The following ANKRD30A variants were observed in gnomAD, a reference collection of about 807,000 sequenced individuals.
ANKRD30A encodes the protein ankyrin repeat domain-containing protein 30A.
ANKRD30A carries 170 observed loss-of-function variants against 166.3 expected under a neutral mutation model. That is an observed-to-expected ratio of 1.02 (90% CI 0.90 to 1.16). The LOEUF is 1.16. ANKRD30A is among the 50% of genes most tolerant of loss of function. The pLI is 0.00. For synonymous variants in ANKRD30A, 564 were observed against 508.9 expected (o/e 1.11, Z -1.46); for missense variants, 1,630 against 1,518.0 (o/e 1.07, Z -1.23).
chr10:37,205,898 G>T (rs567288256), intron 31 of ANKRD30A, among the ~76,000 whole-genome samples: 1 of 152,142 alleles, frequency 6.6e-6, no homozygotes, highest in Non-Finnish European at 1.5e-5. Flanking sequence ...AGTAGCGAAG[G>T]TATAGAGTTT....
Position 37,126,013 on chromosome 10 carries a change from C to A in ANKRD30A, c.221+5C>A. ...TATACAAGACGCCCAGAAGAGGTAC[C>A]AGGCCCTGCCTGAGCCGGGGCTGCA... On this transcript the variant is annotated splice_donor_5th_base_variant and intron_variant, in intron 1 of 35. Coordinates refer to ENST00000361713, the MANE Select transcript of ANKRD30A (RefSeq NM_052997.3). 2 of 1,611,942 alleles carry A rather than the reference C, an allele frequency of 1.2e-6. No individual in the cohort carries two copies. The highest frequency in any genetic ancestry group is 8.5e-7 in the Non-Finnish European group (1 of 1,179,886).
At chr10:37,236,487 T>G (rs544705067), downstream of ANKRD30A, among the ~76,000 whole-genome samples, 43 of 152,322 alleles carry the variant, frequency 2.8e-4, no homozygotes, top group African/African-American at 1.0e-3. Flanking sequence ...GACACATGTT[T>G]GCAAAGAGAC....
At chr10:37,240,635 TGATCTTCCTCAGCTCCAGCTCTTGGCA>T in the ANKRD30A span, among the ~76,000 whole-genome samples, 2 of 152,168 alleles carry the variant, frequency 1.3e-5, no homozygotes, top group African/African-American at 4.8e-5. Flanking sequence ...AATTTCACAG[TGATCTTCCTCAGCTCCAGCTCTTGGCA>T]TTTGCTCCTC....
chr10:37,257,137 C>A, the ANKRD30A span, among the ~76,000 whole-genome samples: 80 of 151,798 alleles, frequency 5.3e-4, 3 homozygotes, highest in South Asian at 0.017. Flanking sequence ...GTGTATGTGT[C>A]CAGGAATTTA....
chr10:37,223,887 G>A (rs974431943), intron 34 of ANKRD30A, among the ~76,000 whole-genome samples: 13 of 150,606 alleles, frequency 8.6e-5, no homozygotes, highest in African/African-American at 2.4e-4. Flanking sequence ...AGGATAATTT[G>A]GATCAAGAAA....
chr10:37,243,370 T>C, the ANKRD30A span, among the ~76,000 whole-genome samples: 7 of 151,432 alleles, frequency 4.6e-5, no homozygotes, highest in Non-Finnish European at 8.8e-5. Flanking sequence ...GGTCTGGATC[T>C]CCTGACCTCG....
chr10:37,191,457 A>G (rs1033380813), intron 25 of ANKRD30A, among the ~76,000 whole-genome samples: 4 of 151,942 alleles, frequency 2.6e-5, no homozygotes, highest in Non-Finnish European at 5.9e-5. Context: ...AATGATATAA[A>G]TTATTATAAT....
chr10:37,190,810 A>G (rs1226404057), intron 25 of ANKRD30A, among the ~76,000 whole-genome samples: 2 of 151,768 alleles, frequency 1.3e-5, no homozygotes, highest in African/African-American at 4.9e-5. Flanking sequence ...AATATGAAGC[A>G]TCAATATATA....
At chr10:37,240,372 C>A in the ANKRD30A span, among the ~76,000 whole-genome samples, 1 of 151,964 alleles carries the variant, frequency 6.6e-6, no homozygotes, top group Non-Finnish European at 1.5e-5. Flanking sequence ...GCCAACAGAC[C>A]CAAGACTCAT....
rs72787550 is a variant in ANKRD30A at position 37,209,246 on chromosome 10, A to G, written c.2870-6935A>G. On this transcript the variant is annotated intron_variant, in intron 31 of 35. Coordinates refer to ENST00000361713, the MANE Select transcript of ANKRD30A (RefSeq NM_052997.3). ...TGTATTAGGCTATTTGTGCATTGCT[A>G]TAGAGAAATACCTGAGATTGGGTAA... Among the ~76,000 whole-genome samples, 320 of 152,294 alleles carry G rather than the reference A, an allele frequency of 2.1e-3. 1 individual carries two copies. The highest frequency in any genetic ancestry group is 4.6e-3 in the South Asian group (22 of 4,828).
At chr10:37,227,579 T>G (rs1843218226) in intron 34 of ANKRD30A, among the ~76,000 whole-genome samples, 1 of 152,022 alleles carries the variant, frequency 6.6e-6, no homozygotes, top group Non-Finnish European at 1.5e-5. Flanking sequence ...TCATACATGA[T>G]AAAAGTTCAG....
At chr10:37,159,120 A>G (rs1480210653) in intron 15 of ANKRD30A, among the ~76,000 whole-genome samples, 1 of 152,172 alleles carries the variant, frequency 6.6e-6, no homozygotes, top group Non-Finnish European at 1.5e-5. Context: ...AGTGACTATA[A>G]AGCATTTGGC....
At chr10:37,212,439 A>G (rs1177629674) in intron 31 of ANKRD30A, among the ~76,000 whole-genome samples, 2 of 152,078 alleles carry the variant, frequency 1.3e-5, no homozygotes, top group East Asian at 3.9e-4. Context: ...AAATGGCCAT[A>G]CTGCCCAAGG....
At chr10:37,226,408 T>C (rs1843157187) in intron 34 of ANKRD30A, among the ~76,000 whole-genome samples, 1 of 151,492 alleles carries the variant, frequency 6.6e-6, no homozygotes, top group African/African-American at 2.4e-5. Context: ...GGTTTCCAGC[T>C]TCATCCATGG....
chr10:37,237,916 T>C, the ANKRD30A span, among the ~76,000 whole-genome samples: 3 of 152,124 alleles, frequency 2.0e-5, no homozygotes, highest in African/African-American at 7.2e-5. Context: ...TTAAAAGAAA[T>C]ATGAGAAAAT....
intron 29 of ANKRD30A, among the ~76,000 whole-genome samples, chr10:37,198,193 T>G (rs1419445521): frequency 6.6e-6 from 1 of 152,156 alleles, no homozygotes; most frequent in South Asian, 2.1e-4. Flanking sequence ...TATGCATGTT[T>G]AAACATTTTA....
At chr10:37,160,022 G>A (rs369408909) in intron 15 of ANKRD30A, among the ~76,000 whole-genome samples, 16 of 152,194 alleles carry the variant, frequency 1.1e-4, no homozygotes, top group South Asian at 6.2e-4. Context: ...TTCAATAAAT[G>A]GTTGTACACT....
intron 9 of ANKRD30A, 59 bp from the exon 10 acceptor site, chr10:37,149,592 A>G (rs941382283): frequency 6.4e-7 from 1 of 1,555,522 alleles, no homozygotes; most frequent in African/African-American, 1.4e-5. Flanking sequence ...GACTGCATTC[A>G]TTTGGTTGGC....
rs562657261 is a variant in ANKRD30A at position 37,161,718 on chromosome 10, T to A, written c.1901-931T>A. ...CTCTGTTACAATCAGGGAAGACAAA[T>A]ATATATTTTGTTGCTGTTCGCTATA... On this transcript the variant is annotated intron_variant, in intron 15 of 35. Coordinates refer to ENST00000361713, the MANE Select transcript of ANKRD30A (RefSeq NM_052997.3). 2.0e-5 allele frequency among the ~76,000 whole-genome samples: 3 copies of A among 152,276 alleles called. No homozygotes were observed. The South Asian group carries it at 6.2e-4, about 32-fold the overall frequency.
Sources: allele counts gnomAD v4.1 joint callset (sites outside exome capture counted in the v4.1 genomes callset), GRCh38; gene constraint gnomAD v4.1.1; transcripts MANE v1.5; gene names NCBI Gene and HGNC (gene_info 2026-07-23, HGNC 2026-07-21).